LRBA: variants seen among roughly 807,000 people sequenced by gnomAD.
The protein encoded by LRBA is LPS responsive beige-like anchor protein, also known as lipopolysaccharide-responsive and beige-like anchor protein.
Under a neutral mutation model 330.0 loss-of-function variants are expected in LRBA, and 176 were observed. The ratio of observed to expected loss-of-function variants is 0.53; its 90% CI spans 0.47 to 0.60. LRBA has a LOEUF of 0.60. Among genes scored for constraint, LRBA ranks in the 20% least tolerant of loss-of-function variants. The pLI is 0.00. For synonymous variants in LRBA, 1,230 were observed against 1,193.0 expected, an observed-to-expected ratio of 1.03 and a Z score of -0.64; for missense variants, 3,259 against 3,444.8, an observed-to-expected ratio of 0.95 and a Z score of 1.35.
At chr4:150,997,474 T>C (rs1407508263) in intron 2 of LRBA, among the ~76,000 whole-genome samples, 2 of 152,172 alleles carry the variant, frequency 1.3e-5, no homozygotes, top group African/African-American at 4.8e-5. Context: ...ATAGTCAAGT[T>C]CTCTATTGAT....
chr4:150,298,253 A>T (rs2126828931), intron 53 of LRBA, among the ~76,000 whole-genome samples: 1 of 152,274 alleles, frequency 6.6e-6, no homozygotes. Context: ...GCACAGAGGC[A>T]GCCAGTAAAT....
intron 47 of LRBA, among the ~76,000 whole-genome samples, chr4:150,403,415 G>A (rs2151932499): frequency 6.6e-6 from 1 of 152,266 alleles, no homozygotes; most frequent in African/African-American, 2.4e-5. Flanking sequence ...ATGACTACCA[G>A]CTGTAACTGG....
rs757816050 is a variant in LRBA at position 150,264,446 on chromosome 4, C to CTT, written c.*1274_*1275dup. ...GGACTGAATCAGAGTTTGACATTTTCTTTCTTTGTGAATCATTATTTTATT... is the reference window on the plus strand; with the variant it reads ...GGACTGAATCAGAGTTTGACATTTTCTTTTTCTTTGTGAATCATTATTTTATT... On this transcript the variant is annotated 3_prime_UTR_variant, in exon 57 of 57. Transcript: ENST00000651943. 1.4e-5 allele frequency: 2 copies of CTT among 142,196 alleles called. No individual in the cohort carries two copies. Among genetic ancestry groups the CTT allele is most frequent in the Non-Finnish European group, 3.1e-5 (2 of 64,934 alleles). 8.8% of individuals were successfully genotyped at this position (142,196 alleles called of 1,614,324 possible).
chr4:150,962,923 C>A (rs1435776893), intron 2 of LRBA, among the ~76,000 whole-genome samples: 1 of 147,064 alleles, frequency 6.8e-6, no homozygotes, highest in African/African-American at 2.7e-5. Context: ...CACTGCACTC[C>A]AGCCTGGGTG....
rs368376916 is a variant in LRBA at position 150,956,077 on chromosome 4, T to C, written c.217-27012A>G. On this transcript the variant is annotated intron_variant, in intron 2 of 56. Transcript: ENST00000651943. ...TTTTAAAAATAAAATCAATACAACCTGGCTTCTTTGGTCCTTCAACAACAA... is the reference window on the plus strand; with the variant it reads ...TTTTAAAAATAAAATCAATACAACCCGGCTTCTTTGGTCCTTCAACAACAA... Among the ~76,000 whole-genome samples the C allele has an allele frequency of 3.4e-5, 5 of 149,066 alleles. 1 individual carries two copies. Among genetic ancestry groups the C allele is most frequent in the African/African-American group, 7.8e-5 (3 of 38,520 alleles).
chr4:150,970,067 G>A (rs1017664581), intron 2 of LRBA, among the ~76,000 whole-genome samples: 5 of 152,132 alleles, frequency 3.3e-5, no homozygotes, highest in East Asian at 1.9e-4. Flanking sequence ...CACCCTGATC[G>A]AGGCAAAACC....
chr4:150,665,554 C>G (rs1157721031), intron 37 of LRBA, among the ~76,000 whole-genome samples: 1 of 152,124 alleles, frequency 6.6e-6, no homozygotes, highest in Non-Finnish European at 1.5e-5. Context: ...ATCTTTGCAC[C>G]CCTTTTTAAT....
intron 36 of LRBA, among the ~76,000 whole-genome samples, chr4:150,723,070 C>T (rs191072967): frequency 3.3e-5 from 5 of 152,174 alleles, no homozygotes; most frequent in Admixed American, 6.5e-5. Flanking sequence ...TGGCAAGCCT[C>T]GCCACGCAGG....
intron 37 of LRBA, among the ~76,000 whole-genome samples, chr4:150,608,672 G>C (rs188529140): frequency 5.9e-5 from 9 of 152,226 alleles, no homozygotes; most frequent in African/African-American, 2.2e-4. Flanking sequence ...TATTTACAGA[G>C]TTGTACAATC....
At chr4:150,649,756 A>G (rs905942900) in intron 37 of LRBA, among the ~76,000 whole-genome samples, 5 of 152,126 alleles carry the variant, frequency 3.3e-5, no homozygotes, top group Non-Finnish European at 7.4e-5. Flanking sequence ...GAGTTACCCC[A>G]ATTTAATAAA....
chr4:150,674,599 G>C (rs1195844806), intron 37 of LRBA, among the ~76,000 whole-genome samples: 1 of 152,190 alleles, frequency 6.6e-6, no homozygotes. Flanking sequence ...AATACTGTTG[G>C]GTGAAGTGGC....
At chr4:150,700,378 T>C (rs1022363907) in intron 36 of LRBA, among the ~76,000 whole-genome samples, 2 of 152,106 alleles carry the variant, frequency 1.3e-5, no homozygotes, top group African/African-American at 4.8e-5. Flanking sequence ...TTTGTATACC[T>C]AAACACAGAA....
chr4:150,287,026 A>G (rs1023311703), intron 53 of LRBA, among the ~76,000 whole-genome samples: 2 of 152,224 alleles, frequency 1.3e-5, no homozygotes, highest in East Asian at 3.8e-4. Flanking sequence ...GCAGGATTCT[A>G]TTAGCATTCC....
intron 38 of LRBA, 95 bp downstream of exon 38, chr4:150,598,912 G>T: frequency 7.0e-7 from 1 of 1,433,870 alleles, no homozygotes; most frequent in South Asian, 1.3e-5. Flanking sequence ...TGTGGTGTTG[G>T]ACCATTTTAC....
chr4:150,810,922 G>A (rs1002739100), intron 31 of LRBA, among the ~76,000 whole-genome samples: 2 of 152,118 alleles, frequency 1.3e-5, no homozygotes, highest in African/African-American at 2.4e-5. Flanking sequence ...ATTTTTAAAA[G>A]CATAAATATC....
intron 47 of LRBA, among the ~76,000 whole-genome samples, chr4:150,411,517 A>G (rs1746995107): frequency 6.6e-6 from 1 of 152,156 alleles, no homozygotes; most frequent in Non-Finnish European, 1.5e-5. Flanking sequence ...GTTATTATTC[A>G]CTGTCCTATA....
At chr4:150,792,224 A>G (rs1197656421) in intron 34 of LRBA, among the ~76,000 whole-genome samples, 1 of 151,184 alleles carries the variant, frequency 6.6e-6, no homozygotes, top group Non-Finnish European at 1.5e-5. Context: ...AAAAGGTTGA[A>G]GCGTACCCTA....
At chr4:150,480,510 A>T (rs1014485733) in intron 42 of LRBA, among the ~76,000 whole-genome samples, 2 of 152,026 alleles carry the variant, frequency 1.3e-5, no homozygotes. Flanking sequence ...AACGATGAAA[A>T]GTTTCAGATT....
At chr4:150,543,404 C>T (rs920061617) in intron 40 of LRBA, among the ~76,000 whole-genome samples, 1 of 152,184 alleles carries the variant, frequency 6.6e-6, no homozygotes, top group African/African-American at 2.4e-5. Flanking sequence ...CTATCCTTTT[C>T]ATTTTGTTCA....
Sources: allele counts gnomAD v4.1 joint callset (sites outside exome capture counted in the v4.1 genomes callset), GRCh38; gene constraint gnomAD v4.1.1; transcripts MANE v1.5; gene names NCBI Gene and HGNC (gene_info 2026-07-23, HGNC 2026-07-21).